Variants in VGLL4 observed in about 807,000 individuals in gnomAD.
VGLL4 encodes the protein vestigial like family member 4, also known as transcription cofactor vestigial-like protein 4.
In VGLL4, 7 loss-of-function variants were observed where a neutral mutation model predicts 21.0. The observed-to-expected ratio is 0.33, with a 90% CI of 0.19 to 0.63. The LOEUF (loss-of-function observed/expected upper bound fraction) is 0.63, where lower values mean the gene tolerates loss of function less well. Among genes scored for constraint, VGLL4 ranks in the 20% least tolerant of loss-of-function variants. The probability of loss-of-function intolerance (pLI) is 0.78; values close to 1 mark genes in which losing one functional copy is unlikely to be tolerated. For synonymous variants in VGLL4, 222 were observed against 173.2 expected, an observed-to-expected ratio of 1.28 and a Z score of -2.21; for missense variants, 394 against 425.7, an observed-to-expected ratio of 0.93 and a Z score of 0.66.
chr3:11,677,133 T>A (rs2076302395), intron 2 of VGLL4, among the ~76,000 whole-genome samples: 1 of 152,236 alleles, frequency 6.6e-6, no homozygotes, highest in African/African-American at 2.4e-5. Context: ...AATATCACTG[T>A]GCAAATCTCA....
intron 1 of VGLL4, among the ~76,000 whole-genome samples, chr3:11,621,538 G>A (rs753534981): frequency 9.2e-5 from 14 of 152,084 alleles, no homozygotes; most frequent in Non-Finnish European, 1.5e-4. Flanking sequence ...ATATTTCATC[G>A]TATGGAGAAA....
chr3:11,647,985 T>C (rs2075817431), upstream of VGLL4, among the ~76,000 whole-genome samples: 1 of 66,904 alleles, frequency 1.5e-5, no homozygotes, highest in African/African-American at 7.8e-5. Flanking sequence ...AATCAGCTCA[T>C]CCATAAAAAA....
At chr3:11,562,564 C>T (rs1222256212) in intron 3 of VGLL4, among the ~76,000 whole-genome samples, 1 of 152,260 alleles carries the variant, frequency 6.6e-6, no homozygotes, top group African/African-American at 2.4e-5. Flanking sequence ...GACCTCGGAG[C>T]TGCTGGAGCA....
chr3:11,642,706 G>A lies in VGLL4; in HGVS notation c.82+731C>T, dbSNP rs371625426. Reference sequence around the variant, plus strand: ...GAGACAGTTGGAAATACAAGACAGTGGGGGAAGCACCTCGCGGGCAGTAGG... The same window carrying A: ...GAGACAGTTGGAAATACAAGACAGTAGGGGAAGCACCTCGCGGGCAGTAGG... On this transcript the variant is annotated intron_variant, in intron 1 of 4. Transcript: ENST00000430365. Among the ~76,000 whole-genome samples, 20 of 152,354 alleles carry A rather than the reference G, an allele frequency of 1.3e-4. 2 individuals carry two copies. Among genetic ancestry groups the A allele is most frequent in the African/African-American group, 4.8e-4 (20 of 41,590 alleles).
At chr3:11,648,100 G>T (rs1192600758), upstream of VGLL4, among the ~76,000 whole-genome samples, 1 of 152,106 alleles carries the variant, frequency 6.6e-6, no homozygotes, top group African/African-American at 2.4e-5. Context: ...TGGAAAGATG[G>T]GTCTAAATTT....
At chr3:11,630,411 G>A (rs1455863154) in intron 1 of VGLL4, among the ~76,000 whole-genome samples, 4 of 152,144 alleles carry the variant, frequency 2.6e-5, no homozygotes, top group Admixed American at 1.3e-4. Context: ...TTGGGAGGCC[G>A]AGGCAGGTGG....
intron 2 of VGLL4, among the ~76,000 whole-genome samples, chr3:11,571,390 T>G (rs1002307822): frequency 5.3e-5 from 8 of 152,078 alleles, no homozygotes; most frequent in Admixed American, 3.9e-4. Context: ...CCCCATTAAC[T>G]CTCCATAAAG....
intron 1 of VGLL4, among the ~76,000 whole-genome samples, chr3:11,616,142 C>T (rs2075158192): frequency 6.6e-6 from 1 of 152,154 alleles, no homozygotes; most frequent in Non-Finnish European, 1.5e-5. Flanking sequence ...TTTCTCTTCC[C>T]TCCCCCGCCC....
chr3:11,613,752 A>G (rs2075107489), intron 1 of VGLL4, among the ~76,000 whole-genome samples: 1 of 152,252 alleles, frequency 6.6e-6, no homozygotes, highest in Non-Finnish European at 1.5e-5. Context: ...TAAAGGTCCC[A>G]GCCCAGAACA....
intron 2 of VGLL4, among the ~76,000 whole-genome samples, chr3:11,679,741 T>A (rs972660795): frequency 1.3e-5 from 2 of 152,160 alleles, no homozygotes; most frequent in Non-Finnish European, 2.9e-5. Flanking sequence ...GTATTTTTGT[T>A]CAGCTGTACA....
rs1348963315 is a variant in VGLL4, at chr3:11,719,809, G to A, written c.-14+585C>T. ...CCGCTTTCCCTCCCCCGCCAGCTGCGCGCCCGGTGCCAGCTCGCACCTCCC... is the reference window on the plus strand; with the variant it reads ...CCGCTTTCCCTCCCCCGCCAGCTGCACGCCCGGTGCCAGCTCGCACCTCCC... On this transcript the variant is annotated intron_variant, in intron 1 of 5. Coordinates refer to the VGLL4 transcript ENST00000273038. The surrounding 1 kb of genome is among the most constrained non-coding windows in gnomAD (Gnocchi z 4.0). Among the ~76,000 whole-genome samples, 1 of 152,016 alleles carries A rather than the reference G, an allele frequency of 6.6e-6. No individual in the cohort carries two copies. Among genetic ancestry groups the A allele is most frequent in the East Asian group, 1.9e-4 (1 of 5,150 alleles).
intron 1 of VGLL4, among the ~76,000 whole-genome samples, chr3:11,714,753 T>C (rs2076895684): frequency 6.6e-6 from 1 of 152,146 alleles, no homozygotes; most frequent in Non-Finnish European, 1.5e-5. Flanking sequence ...AGACTTAAAA[T>C]TTGAATACTT....
chr3:11,682,404 CAAAAAAA>C (rs34428676), intron 2 of VGLL4, among the ~76,000 whole-genome samples: 16 of 62,218 alleles, frequency 2.6e-4, no homozygotes, highest in African/African-American at 4.1e-4. Context: ...GACCCTGTCT[CAAAAAAA>C]AAAAAAAAAA....
At chr3:11,593,381 A>G (rs2074551191) in intron 2 of VGLL4, among the ~76,000 whole-genome samples, 1 of 152,010 alleles carries the variant, frequency 6.6e-6, no homozygotes, top group South Asian at 2.1e-4. Flanking sequence ...TCCAGGGAAA[A>G]CCCCCAATCC....
At chr3:11,665,101 C>CT (rs59999510) in intron 2 of VGLL4, among the ~76,000 whole-genome samples, 3,146 of 96,680 alleles carry the variant, frequency 0.033, 485 homozygotes, top group African/African-American at 0.053. Context: ...GAATATTTTT[C>CT]TTTTTTTTTT....
chr3:11,613,656 G>T (rs923041193), intron 1 of VGLL4, among the ~76,000 whole-genome samples: 3 of 152,190 alleles, frequency 2.0e-5, no homozygotes, highest in Non-Finnish European at 2.9e-5. Context: ...TCAGAAAAAT[G>T]TATGATCTTA....
chr3:11,608,937 C>T (rs1050488136), intron 1 of VGLL4, among the ~76,000 whole-genome samples: 1 of 152,208 alleles, frequency 6.6e-6, no homozygotes, highest in East Asian at 1.9e-4. Flanking sequence ...TCTTGGCTCA[C>T]TGCAACCTCT....
At chr3:11,687,938 T>C (rs926035358) in intron 2 of VGLL4, among the ~76,000 whole-genome samples, 5 of 152,238 alleles carry the variant, frequency 3.3e-5, no homozygotes, top group Admixed American at 2.6e-4. Context: ...TTCTATCAGA[T>C]ATATTTTATC....
At chr3:11,636,175 C>G (rs1399406404) in intron 1 of VGLL4, among the ~76,000 whole-genome samples, 1 of 152,174 alleles carries the variant, frequency 6.6e-6, no homozygotes, top group Non-Finnish European at 1.5e-5. Flanking sequence ...CAGAAACTTG[C>G]ACTCATCACT....
Sources: gnomAD v4.1 joint callset for allele counts (sites outside exome capture counted in the v4.1 genomes callset) on GRCh38, gnomAD v4.1.1 for gene constraint, Gnocchi (gnomAD v3.1) non-coding constraint, MANE v1.5 for transcripts, NCBI Gene and HGNC (gene_info 2026-07-23, HGNC 2026-07-21) for gene names.